Variants in UPF2 observed in about 807,000 individuals in gnomAD.
UPF2 encodes the protein UPF2 regulator of nonsense mediated mRNA decay.
UPF2 carries 17 observed loss-of-function variants against 141.4 expected under a neutral mutation model. That is an observed-to-expected ratio of 0.12 (90% CI 0.08 to 0.18). The LOEUF is 0.18. UPF2 is among the 10% of genes least tolerant of loss of function. The probability of loss-of-function intolerance (pLI) is 1.00; values close to 1 mark genes in which losing one functional copy is unlikely to be tolerated. For missense variants in UPF2, 1,152 were observed against 1,515.9 expected, an observed-to-expected ratio of 0.76 and a Z score of 3.99; for synonymous variants, 540 against 498.0, an observed-to-expected ratio of 1.08 and a Z score of -1.12.
At chr10:12,033,416 C>T (rs1260245950) in intron 2 of UPF2, among the ~76,000 whole-genome samples, 1 of 152,156 alleles carries the variant, frequency 6.6e-6, no homozygotes, top group African/African-American at 2.4e-5. Flanking sequence ...ACCTGTAGTT[C>T]CCGCTACCAA....
chr10:12,010,799 A>G (rs1425010491), intron 4 of UPF2, among the ~76,000 whole-genome samples: 3 of 152,154 alleles, frequency 2.0e-5, no homozygotes, highest in Non-Finnish European at 4.4e-5. Flanking sequence ...TAATGCTTGA[A>G]ATCAGCGATA....
intron 3 of UPF2, among the ~76,000 whole-genome samples, chr10:12,015,236 C>T (rs1315975520): frequency 6.6e-6 from 1 of 151,288 alleles, no homozygotes; most frequent in East Asian, 1.9e-4. Context: ...CGTTTTCTTA[C>T]AAACAGTGAA....
rs1432396856 is a variant in UPF2 at position 12,012,902 on chromosome 10, G to A, written c.1306+1122C>T. On this transcript the variant is annotated intron_variant, in intron 4 of 21. Transcript: ENST00000357604. ...ACCTATAATCTCAGCACTTTGGGAG[G>A]CCAAGGCAGGAGGACTGCTTGAGCT... 3.9e-5 allele frequency among the ~76,000 whole-genome samples: 6 copies of A among 152,102 alleles called. No homozygotes were observed. The East Asian group carries it at 1.2e-3, about 29-fold the overall frequency.
intron 11 of UPF2, among the ~76,000 whole-genome samples, chr10:11,962,427 G>A (rs1028729768): frequency 1.3e-5 from 2 of 152,016 alleles, no homozygotes; most frequent in Non-Finnish European, 1.5e-5. Context: ...TCTTATCTTA[G>A]GGTACTTCCT....
intron 3 of UPF2, among the ~76,000 whole-genome samples, chr10:12,021,181 T>C (rs1834311196): frequency 6.6e-6 from 1 of 152,190 alleles, no homozygotes; most frequent in Non-Finnish European, 1.5e-5. Flanking sequence ...ATCCCTTTGT[T>C]TTACCATCTT....
chr10:11,935,240 C>A lies in UPF2; in HGVS notation c.3546+1305G>T, dbSNP rs933994293. Among the ~76,000 whole-genome samples the A allele has an allele frequency of 6.6e-6, 1 of 152,108 alleles. No homozygotes were observed. Among genetic ancestry groups the A allele is most frequent in the Non-Finnish European group, 1.5e-5 (1 of 68,014 alleles). On this transcript the variant is annotated intron_variant, in intron 19 of 21. Transcript: ENST00000357604. This position sits in a 1 kb window ranked among gnomAD's most constrained non-coding sequence, Gnocchi z 4.9. ...TTATCCTCCTTGGTAGCCATCCCAACGTGACTTGGTGTATTTCTCATATGC... is the reference window on the plus strand; with the variant it reads ...TTATCCTCCTTGGTAGCCATCCCAAAGTGACTTGGTGTATTTCTCATATGC...
rs111480494 is a variant in UPF2 at position 12,013,124 on chromosome 10, CAAA to C, written c.1306+897_1306+899del. On this transcript the variant is annotated intron_variant, in intron 4 of 21. Coordinates refer to ENST00000357604, the MANE Select transcript of UPF2 (RefSeq NM_015542.4). ...TGAGCGACAGAGCAAGACTCTGTCT[CAAA>C]AAAAAAAAAGTGTAAGAATTATGTA... is the stretch of plus-strand genomic sequence containing the variant. 1.2e-4 allele frequency among the ~76,000 whole-genome samples: 12 copies of C among 97,302 alleles called. No individual in the cohort carries two copies. In the East Asian group the frequency reaches 3.6e-3, roughly 29 times the overall value. The allele number at this position is 97,302 out of a possible 152,430, so 63.8% of individuals were successfully genotyped here.
At chr10:11,986,876 C>G (rs931521426) in intron 8 of UPF2, among the ~76,000 whole-genome samples, 7 of 152,156 alleles carry the variant, frequency 4.6e-5, no homozygotes, top group African/African-American at 1.7e-4. Context: ...ATCAGAAAAT[C>G]TCTTACAAAA....
rs1215486898 is a variant in UPF2 at position 11,974,495 on chromosome 10, TATG to T, written c.1953+4559_1953+4561del. ...ATGCTTCCAGTTTTTGCCCATTCAG[TATG>T]ATATTGGCTGTGGGTTTGTCATAAA... On this transcript the variant is annotated intron_variant, in intron 9 of 21. Coordinates refer to ENST00000357604, the MANE Select transcript of UPF2 (RefSeq NM_015542.4). Among the ~76,000 whole-genome samples, 3 of 152,362 alleles carry T rather than the reference TATG, an allele frequency of 2.0e-5. No individual in the cohort carries two copies. The East Asian group carries it at 5.8e-4, about 29-fold the overall frequency.
At chr10:12,017,786 A>G (rs937998706) in intron 3 of UPF2, among the ~76,000 whole-genome samples, 4 of 152,174 alleles carry the variant, frequency 2.6e-5, no homozygotes, top group African/African-American at 4.8e-5. Context: ...ATACATGTGC[A>G]AAACGTGCAG....
Position 11,956,006 on chromosome 10 carries a change from TG to T in UPF2, c.2574+313del, listed in dbSNP as rs1833143530. On this transcript the variant is annotated intron_variant, in intron 13 of 21. Coordinates refer to ENST00000357604, the MANE Select transcript of UPF2 (RefSeq NM_015542.4). This position sits in a 1 kb window ranked among gnomAD's most constrained non-coding sequence, Gnocchi z 4.2. ...AAAATACAAAAAAATTAGCTAGGCGTGGTGGCATGCACCTGTAGTAGTCCCA... is the reference window on the plus strand; with the variant it reads ...AAAATACAAAAAAATTAGCTAGGCGTGTGGCATGCACCTGTAGTAGTCCCA... Among the ~76,000 whole-genome samples the T allele has an allele frequency of 6.6e-6, 1 of 152,052 alleles. No homozygotes were observed. The highest frequency in any genetic ancestry group is 2.1e-4 in the South Asian group (1 of 4,826).
chr10:11,994,884 G>A, intron 8 of UPF2, among the ~76,000 whole-genome samples: 1 of 149,064 alleles, frequency 6.7e-6, no homozygotes, highest in African/African-American at 2.5e-5. Flanking sequence ...GCTGAGGCAG[G>A]AGAATGGCGT....
intron 21 of UPF2, among the ~76,000 whole-genome samples, chr10:11,929,428 G>C (rs1365560681): frequency 3.9e-5 from 6 of 152,176 alleles, no homozygotes; most frequent in Non-Finnish European, 8.8e-5. Context: ...CTTGAGCTCA[G>C]GAGTTCGAGA....
intron 3 of UPF2, among the ~76,000 whole-genome samples, chr10:12,017,749 T>A (rs1447477460): frequency 6.6e-6 from 1 of 152,196 alleles, no homozygotes; most frequent in Non-Finnish European, 1.5e-5. Flanking sequence ...CCCATTTTTT[T>A]ATTATTATTA....
chr10:11,931,186 G>A lies in UPF2; in HGVS notation c.3688+455C>T, dbSNP rs1832778061. 6.6e-6 allele frequency among the ~76,000 whole-genome samples: 1 copy of A among 152,176 alleles called. No individual in the cohort carries two copies. The highest frequency in any genetic ancestry group is 1.9e-4 in the East Asian group (1 of 5,196). On this transcript the variant is annotated intron_variant, in intron 20 of 21. Transcript: ENST00000357604. This position sits in a 1 kb window ranked among gnomAD's most constrained non-coding sequence, Gnocchi z 5.9. Reference sequence around the variant, plus strand: ...CAATGACAGACACCTATACAATGGTGGTCCCATCAGTTCATAACAGCTACA... The same window carrying A: ...CAATGACAGACACCTATACAATGGTAGTCCCATCAGTTCATAACAGCTACA...
At chr10:12,001,848 A>G in intron 5 of UPF2, 23 bp from the exon 6 acceptor site, 1 of 1,556,200 alleles carries the variant, frequency 6.4e-7, no homozygotes, top group Non-Finnish European at 8.7e-7. Flanking sequence ...AAACAAGTAT[A>G]CCTAAATTCA....
At chr10:11,948,911 A>C (rs1052675725) in intron 15 of UPF2, among the ~76,000 whole-genome samples, 3 of 152,244 alleles carry the variant, frequency 2.0e-5, no homozygotes, top group African/African-American at 7.2e-5. Context: ...AAGAGTCTCC[A>C]AAAACTCAAA....
chr10:12,036,065 ATTAG>A (rs560631554), intron 1 of UPF2, among the ~76,000 whole-genome samples: 177 of 152,354 alleles, frequency 1.2e-3, no homozygotes, highest in Middle Eastern at 6.8e-3. Flanking sequence ...CTTCATCTGT[ATTAG>A]TTAAAGTTAA....
rs12411326 is a variant in UPF2 at position 12,029,536 on chromosome 10, C to G, written c.366-12G>C. 112,669 of 1,562,396 alleles carry G rather than the reference C, an allele frequency of 0.072. 4,545 individuals are homozygous for G. Among genetic ancestry groups the G allele is most frequent in the Non-Finnish European group, 0.083 (95,842 of 1,161,304 alleles). ...ATTCTTCTTTTTCTCTATATAAAAA[C>G]AAACAAATAAATAAAATACTCTCTA... On this transcript the variant is annotated splice_polypyrimidine_tract_variant and intron_variant, in intron 2 of 21. Transcript: ENST00000357604.
Sources: gnomAD v4.1 joint callset for allele counts (sites outside exome capture counted in the v4.1 genomes callset) on GRCh38, gnomAD v4.1.1 for gene constraint, Gnocchi (gnomAD v3.1) non-coding constraint, MANE v1.5 for transcripts, NCBI Gene and HGNC (gene_info 2026-07-23, HGNC 2026-07-21) for gene names.